Variants in STK33 observed in about 807,000 individuals in gnomAD.
STK33 encodes serine/threonine-protein kinase 33.
Under a neutral mutation model 58.0 loss-of-function variants are expected in STK33, and 52 were observed. The observed-to-expected ratio is 0.90, with a 90% CI of 0.72 to 1.13. The LOEUF is 1.13. STK33 is among the 50% of genes most tolerant of loss of function. The probability of loss-of-function intolerance (pLI) is 0.00; values close to 1 mark genes in which losing one functional copy is unlikely to be tolerated. For synonymous variants in STK33, 215 were observed against 200.1 expected, an observed-to-expected ratio of 1.07 and a Z score of -0.63; for missense variants, 630 against 604.2, an observed-to-expected ratio of 1.04 and a Z score of -0.45.
At chr11:8,344,986 G>A in the STK33 span, among the ~76,000 whole-genome samples, 1 of 152,206 alleles carries the variant, frequency 6.6e-6, no homozygotes, top group African/African-American at 2.4e-5. Context: ...CCCAAGGTTG[G>A]ACCTGACAGT....
chr11:8,548,807 T>C (rs900589623), intron 1 of STK33, among the ~76,000 whole-genome samples: 1 of 152,198 alleles, frequency 6.6e-6, no homozygotes, highest in South Asian at 2.1e-4. Flanking sequence ...ATTTGCATTA[T>C]AAAAAATGGT....
Position 8,435,559 on chromosome 11 carries a change from GT to G in STK33, c.1080del (p.Gln360HisfsTer3). 1 of 1,496,548 alleles carries G rather than the reference GT, an allele frequency of 6.7e-7. No individual in the cohort carries two copies. The highest frequency in any genetic ancestry group is 9.0e-7 in the Non-Finnish European group (1 of 1,112,508). The allele number at this position is 1,496,548 out of a possible 1,614,324, so 92.7% of individuals were successfully genotyped here. A position where few individuals can be genotyped will look rare whatever the true frequency, so the allele number is the denominator to read the frequency against. On this transcript the variant is annotated frameshift_variant, in exon 14 of 16. Transcript: ENST00000687296. LOFTEE classifies it high-confidence loss of function. ...CTGTGAGCAGGATCTACTTTCATAA[GT>G]TGTTTCAAAACACTTTTAGCTAAAA... The part of the protein sequence containing the change: ...ISDCAKSVLK[Q>X]LMKVDPAHRI...
intron 11 of STK33, among the ~76,000 whole-genome samples, chr11:8,446,281 G>C (rs565060102): frequency 1.3e-5 from 2 of 151,018 alleles, no homozygotes; most frequent in East Asian, 3.9e-4. Flanking sequence ...TTTCTTATTA[G>C]TCTGGCTAGT....
At chr11:8,509,116 CAAAAAAAA>C (rs1161851155) in intron 1 of STK33, among the ~76,000 whole-genome samples, 4 of 45,428 alleles carry the variant, frequency 8.8e-5, no homozygotes, top group Non-Finnish European at 8.9e-5. Context: ...AACTCTGTCT[CAAAAAAAA>C]AAAAAAAAAA....
intron 7 of STK33, among the ~76,000 whole-genome samples, chr11:8,462,655 A>T (rs964085011): frequency 6.6e-6 from 1 of 151,964 alleles, no homozygotes; most frequent in Non-Finnish European, 1.5e-5. Context: ...TCTTGCCTTC[A>T]GATGTTAGAT....
the STK33 span, among the ~76,000 whole-genome samples, chr11:8,357,375 G>A: frequency 1.1e-4 from 17 of 152,246 alleles, no homozygotes; most frequent in Admixed American, 7.2e-4. Flanking sequence ...TGTCAGCTCC[G>A]TGATGGGGCT....
chr11:8,337,635 C>CG, the STK33 span, among the ~76,000 whole-genome samples: 2 of 38,114 alleles, frequency 5.2e-5, no homozygotes, highest in Non-Finnish European at 9.6e-5. Context: ...AGCTTGACGA[C>CG]GGCGGGGGGC....
At chr11:8,534,696 AT>A (rs1444284258) in intron 1 of STK33, among the ~76,000 whole-genome samples, 1 of 151,940 alleles carries the variant, frequency 6.6e-6, no homozygotes, top group Non-Finnish European at 1.5e-5. Context: ...TTTGTAACAT[AT>A]TAAATCATCA....
At chr11:8,492,643 C>G (rs1950716978) in intron 1 of STK33, among the ~76,000 whole-genome samples, 1 of 152,202 alleles carries the variant, frequency 6.6e-6, no homozygotes, top group Non-Finnish European at 1.5e-5. Flanking sequence ...ACAGAATATA[C>G]ATTCTTCTCA....
At chr11:8,472,798 C>T (rs10840055) in intron 6 of STK33, among the ~76,000 whole-genome samples, 68,288 of 151,958 alleles carry the variant, frequency 0.45, 15,714 homozygotes, top group Non-Finnish European at 0.5. Context: ...AGATTCTGGC[C>T]TCACTATCAA....
At chr11:8,413,395 T>A (rs1257298418) in intron 15 of STK33, 100 bp downstream of exon 15, 1 of 1,334,846 alleles carries the variant, frequency 7.5e-7, no homozygotes. Flanking sequence ...TCGGCCTTTG[T>A]TACAAACTAA....
intron 1 of STK33, among the ~76,000 whole-genome samples, chr11:8,497,379 G>A (rs991954990): frequency 6.6e-6 from 1 of 152,140 alleles, no homozygotes; most frequent in Non-Finnish European, 1.5e-5. Flanking sequence ...CACATACAAA[G>A]GATCCTCAAT....
At chr11:8,479,854 C>CA (rs1485065252) in intron 2 of STK33, among the ~76,000 whole-genome samples, 16 of 151,974 alleles carry the variant, frequency 1.1e-4, no homozygotes, top group African/African-American at 3.6e-4. Context: ...AAAAAAATAA[C>CA]AAATAAAAAA....
Position 8,473,211 on chromosome 11 carries a change from T to G in STK33, c.291A>C (p.Thr97=). ...SQQQWGRGNF[T]EGKVPHIRIE... is the part of the protein sequence containing the mutation. Reference sequence around the variant, plus strand: ...TCCTTATGTGAGGAACTTTTCCTTCTGTAAAGTTGCCCCGACCCCATTGTT... The same window carrying G: ...TCCTTATGTGAGGAACTTTTCCTTCGGTAAAGTTGCCCCGACCCCATTGTT... Residue 97 remains threonine (T), a synonymous_variant, in exon 6 of 16, where the codon ACA becomes ACC. Coordinates refer to ENST00000687296, the MANE Select transcript of STK33 (RefSeq NM_001352389.2). 2 of 1,613,642 alleles carry G rather than the reference T, an allele frequency of 1.2e-6. No individual in the cohort carries two copies. The highest frequency in any genetic ancestry group is 1.7e-6 in the Non-Finnish European group (2 of 1,179,806).
At chr11:8,423,083 C>T (rs1942181311) in intron 14 of STK33, among the ~76,000 whole-genome samples, 1 of 151,642 alleles carries the variant, frequency 6.6e-6, no homozygotes, top group Admixed American at 6.6e-5. Context: ...CTCAAGCAAT[C>T]CACCCGCCTT....
At chr11:8,429,535 C>T (rs1017019958) in intron 14 of STK33, among the ~76,000 whole-genome samples, 1 of 152,110 alleles carries the variant, frequency 6.6e-6, no homozygotes, top group African/African-American at 2.4e-5. Flanking sequence ...GGTCTTCTTT[C>T]TCCCCTCTTC....
chr11:8,552,270 G>A (rs1956353172), intron 1 of STK33, among the ~76,000 whole-genome samples: 2 of 152,206 alleles, frequency 1.3e-5, no homozygotes, highest in South Asian at 2.1e-4. Context: ...GATCCTGTGA[G>A]TCTATGGGGT....
At chr11:8,497,614 G>A (rs966925652) in intron 1 of STK33, among the ~76,000 whole-genome samples, 1 of 152,096 alleles carries the variant, frequency 6.6e-6, no homozygotes, top group Admixed American at 6.6e-5. Context: ...GGGACTACAG[G>A]CACATGCCAC....
the STK33 span, among the ~76,000 whole-genome samples, chr11:8,376,839 C>T: frequency 1.3e-5 from 2 of 152,076 alleles, no homozygotes; most frequent in Admixed American, 6.5e-5. Context: ...CATGCCCGGC[C>T]GATTCTGCAT....
Sources: gnomAD v4.1 joint callset for allele counts (sites outside exome capture counted in the v4.1 genomes callset) on GRCh38, gnomAD v4.1.1 for gene constraint, MANE v1.5 for transcripts, NCBI Gene and HGNC (gene_info 2026-07-23, HGNC 2026-07-21) for gene names.